Variants in UBE3B observed in about 807,000 individuals in gnomAD.
UBE3B encodes the protein ubiquitin protein ligase E3B.
Under a neutral mutation model 132.3 loss-of-function variants are expected in UBE3B, and 80 were observed. That is an observed-to-expected ratio of 0.60 (90% confidence interval 0.50 to 0.73). The LOEUF (loss-of-function observed/expected upper bound fraction) is 0.73. Among genes scored for constraint, UBE3B ranks in the 30% least tolerant of loss-of-function variants. The pLI is 0.00. For synonymous variants in UBE3B, 487 were observed against 520.4 expected, an observed-to-expected ratio of 0.94 and a Z score of 0.87; for missense variants, 1,196 against 1,362.5, an observed-to-expected ratio of 0.88 and a Z score of 1.92.
chr12:109,520,844 TTGTC>T, intron 19 of UBE3B: 1 of 270,290 alleles, frequency 3.7e-6, no homozygotes, highest in East Asian at 6.7e-5. Flanking sequence ...CTTTCATCCT[TTGTC>T]TGATGGCCAG....
At chr12:109,524,601 A>G in intron 23 of UBE3B, 98 bp downstream of exon 23, 8 of 1,358,420 alleles carry the variant, frequency 5.9e-6, no homozygotes, top group South Asian at 1.2e-5. Flanking sequence ...CCCCAAGCTG[A>G]GGCTCTGTCT....
intron 21 of UBE3B, among the ~76,000 whole-genome samples, chr12:109,523,150 TGACAGGTGTC>T (rs1881909998): frequency 6.6e-6 from 1 of 152,232 alleles, no homozygotes; most frequent in Non-Finnish European, 1.5e-5. Flanking sequence ...TACGGTCCTC[TGACAGGTGTC>T]ATCAAGTCCG....
chr12:109,501,005 G>C (rs746999758), intron 12 of UBE3B, among the ~76,000 whole-genome samples: 1 of 152,152 alleles, frequency 6.6e-6, no homozygotes, highest in Non-Finnish European at 1.5e-5. Flanking sequence ...CACTGAGGAG[G>C]CTGCTGAGTC....
intron 16 of UBE3B, 102 bp downstream of exon 16, chr12:109,509,816 T>G: frequency 1.4e-6 from 1 of 731,522 alleles, no homozygotes. Flanking sequence ...TCTCTCCAAG[T>G]TAATAGAAGG....
At chr12:109,490,764 A>G in intron 8 of UBE3B, 1 of 1,384,046 alleles carries the variant, frequency 7.2e-7, no homozygotes, top group Non-Finnish European at 9.4e-7. Flanking sequence ...GTTACCCAAT[A>G]CTTTCTTCCC....
Position 109,486,498 on chromosome 12 carries a change from A to G in UBE3B, c.370A>G (p.Lys124Glu). The change falls in exon 6 of 28, where the codon AAG (lysine) becomes GAG (glutamate). Residue 124 changes from lysine to glutamate, a missense_variant. By Grantham distance (56) the Lys-to-Glu change is moderately conservative (BLOSUM62 1). Transcript: ENST00000342494. The stretch of plus-strand genomic sequence containing the variant: ...GTGGTATGTGTCCCTGGCTTGTTCT[A>G]AGGACCTCACCCTCCTTTGGATTCA... The part of the protein sequence containing the change: ...KVWYVSLACS[K>E]DLTLLWIQQI... 1 of 1,605,004 alleles carries G rather than the reference A, an allele frequency of 6.2e-7. No homozygotes were observed. The highest frequency in any genetic ancestry group is 1.4e-5 in the African/African-American group (1 of 73,790).
rs1389721670 is a variant in UBE3B at position 109,486,505 on chromosome 12, T to C, written c.377T>C (p.Leu126Pro). 1.3e-6 allele frequency: 2 copies of C among 1,575,880 alleles called. 1 individual carries two copies. The highest frequency in any genetic ancestry group is 2.2e-5 in the South Asian group (2 of 90,460). Reference protein sequence around the residue: ...WYVSLACSKDLTLLWIQQIKN... With the variant: ...WYVSLACSKDPTLLWIQQIKN... ...GTGTCCCTGGCTTGTTCTAAGGACCTCACCCTCCTTTGGATTCAACAGATC... is the reference window on the plus strand; with the variant it reads ...GTGTCCCTGGCTTGTTCTAAGGACCCCACCCTCCTTTGGATTCAACAGATC... Residue 126 changes from leucine (L) to proline (P), a missense_variant, in exon 6 of 28, where the codon CTC becomes CCC. Transcript: ENST00000342494.
rs77876679 is a variant in UBE3B at position 109,509,453 on chromosome 12, T to C, written c.1623-143T>C. The C allele has an allele frequency of 1.4e-3, 795 of 574,756 alleles. 17 individuals carry two copies. The East Asian group carries it at 0.023, about 16-fold the overall frequency. The allele number at this position is 574,756 out of a possible 1,614,324, so 35.6% of individuals were successfully genotyped here. A position where few individuals can be genotyped will look rare whatever the true frequency, so the allele number is the denominator to read the frequency against. ...CTACCCCTGATGATATCATATCATT[T>C]TATCTGTAGATTTTACAGTAAGTAT... On this transcript the variant is annotated intron_variant, in intron 15 of 27. Transcript: ENST00000342494.
intron 15 of UBE3B, chr12:109,508,626 A>G (rs981652299): frequency 2.0e-6 from 2 of 985,512 alleles, no homozygotes; most frequent in African/African-American, 3.5e-5. Context: ...TAGGTGGCAG[A>G]TTGGGTGAGG....
At chr12:109,492,083 C>G (rs1191434756) in intron 9 of UBE3B, 1 of 152,200 alleles carries the variant, frequency 6.6e-6, no homozygotes, top group Non-Finnish European at 1.5e-5. Context: ...AACCACTCTG[C>G]CATTGCATCT....
chr12:109,517,803 GC>G, intron 19 of UBE3B: 1 of 316,484 alleles, frequency 3.2e-6, no homozygotes, highest in Non-Finnish European at 6.8e-6. Flanking sequence ...GAAGTATGTG[GC>G]CAGATAGCCA....
intron 25 of UBE3B, 81 bp from the exon 26 acceptor site, chr12:109,530,466 C>A: frequency 8.3e-7 from 1 of 1,209,152 alleles, no homozygotes; most frequent in Non-Finnish European, 1.2e-6. Context: ...TGGACCGTGC[C>A]AGCTGTCTGC....
At position 109,509,578 on chromosome 12, in the gene UBE3B, A is replaced by G. The variant is rs1880107431; in HGVS notation, c.1623-18A>G. 1 of 1,554,616 alleles carries G rather than the reference A, an allele frequency of 6.4e-7. No individual in the cohort carries two copies. ...TTTTTTCAGTGTGGAATTGTGGGTA[A>G]TTTTCTCTCTGATTTAGAATCCTTG... On this transcript the variant is annotated intron_variant, in intron 15 of 27. Coordinates refer to ENST00000342494, the MANE Select transcript of UBE3B (RefSeq NM_130466.4).
Position 109,521,567 on chromosome 12 carries a change from A to C in UBE3B, c.2364+16A>C. 1 of 1,537,400 alleles carries C rather than the reference A, an allele frequency of 6.5e-7. No homozygotes were observed. Among genetic ancestry groups the C allele is most frequent in the Non-Finnish European group, 8.8e-7 (1 of 1,140,604 alleles). The stretch of plus-strand genomic sequence containing the variant: ...TGTGTATGAGGTAGGAACGTTAAGA[A>C]ACAGAGAAATGTAAAATAAAATGTT... On this transcript the variant is annotated intron_variant, in intron 21 of 27. Transcript: ENST00000342494. This position sits in a 1 kb window ranked among gnomAD's most constrained non-coding sequence, Gnocchi z 4.2.
Position 109,503,066 on chromosome 12 carries a change from T to C in UBE3B, c.1326T>C (p.Asn442=). The change falls in exon 14 of 28, where the codon AAT becomes AAC. Residue 442 remains asparagine (N), a synonymous_variant. Transcript: ENST00000342494. ...RAFQKSASVR[N]ILRPVGGKRV... is the part of the protein sequence containing the mutation. Reference sequence around the variant, plus strand: ...TTCAAAAGTCGGCATCAGTCCGGAATATTCTCAGGCCTGTCGGGGGTAAAC... The same window carrying C: ...TTCAAAAGTCGGCATCAGTCCGGAACATTCTCAGGCCTGTCGGGGGTAAAC... The C allele has an allele frequency of 6.2e-7, 1 of 1,614,188 alleles. No homozygotes were observed. The highest frequency in any genetic ancestry group is 1.1e-5 in the South Asian group (1 of 91,080).
intron 4 of UBE3B, among the ~76,000 whole-genome samples, chr12:109,484,795 G>A (rs1029934661): frequency 2.0e-5 from 3 of 150,556 alleles, no homozygotes; most frequent in African/African-American, 2.4e-5. Flanking sequence ...TCTCACTGTC[G>A]CCCAGGCTGG....
At chr12:109,499,928 C>G in intron 12 of UBE3B, 118 bp downstream of exon 12, 4 of 842,674 alleles carry the variant, frequency 4.7e-6, no homozygotes, top group Non-Finnish European at 6.3e-6. Context: ...AATATGTATT[C>G]ATTATATATT....
intron 9 of UBE3B, chr12:109,492,489 C>G (rs1472426525): frequency 2.0e-5 from 3 of 152,246 alleles, no homozygotes; most frequent in Non-Finnish European, 4.4e-5. Flanking sequence ...TGCCTGTAAT[C>G]CCAGCACTTT....
At chr12:109,545,695 G>C in the UBE3B span, among the ~76,000 whole-genome samples, 3 of 152,194 alleles carry the variant, frequency 2.0e-5, no homozygotes, top group African/African-American at 7.2e-5. Flanking sequence ...AGCCCCAGGG[G>C]CTGCTCTGTC....
Sources: gnomAD v4.1 joint callset for allele counts (sites outside exome capture counted in the v4.1 genomes callset) on GRCh38, gnomAD v4.1.1 for gene constraint, Gnocchi (gnomAD v3.1) non-coding constraint, MANE v1.5 for transcripts, NCBI Gene and HGNC (gene_info 2026-07-23, HGNC 2026-07-21) for gene names.